The following CIB4 variants were observed in gnomAD, a reference collection of about 807,000 sequenced individuals.
CIB4 encodes calcium and integrin-binding family member 4.
In CIB4, 25 loss-of-function variants were observed where a neutral mutation model predicts 25.8. The ratio of observed to expected loss-of-function variants is 0.97; its 90% CI spans 0.71 to 1.35. The LOEUF (loss-of-function observed/expected upper bound fraction) is 1.35. Ranked by LOEUF, CIB4 falls within the 40% of genes most tolerant of loss-of-function variation. The pLI, the probability that CIB4 is intolerant of heterozygous loss-of-function variation, is 0.00. For synonymous variants in CIB4, 75 were observed against 81.4 expected (o/e 0.92, Z 0.42); for missense variants, 235 against 228.2 (o/e 1.03, Z -0.19).
intron 2 of CIB4, among the ~76,000 whole-genome samples, chr2:26,633,364 G>A (rs189597774): frequency 1.8e-4 from 28 of 152,328 alleles, no homozygotes; most frequent in African/African-American, 6.3e-4. Context: ...CTGAGGCTCC[G>A]AGAGTTTAAG....
chr2:26,600,656 G>A (rs968397615), intron 3 of CIB4, among the ~76,000 whole-genome samples: 13 of 152,150 alleles, frequency 8.5e-5, no homozygotes, highest in Admixed American at 6.5e-4. Context: ...GGTGAGCAGA[G>A]CCCATGTCCT....
At chr2:26,619,683 C>T (rs1669165129) in intron 3 of CIB4, among the ~76,000 whole-genome samples, 1 of 152,170 alleles carries the variant, frequency 6.6e-6, no homozygotes, top group South Asian at 2.1e-4. Context: ...TGGGAAGTAA[C>T]CCAGCAGATT....
At chr2:26,591,737 C>T (rs1382554698) in intron 4 of CIB4, among the ~76,000 whole-genome samples, 2 of 152,204 alleles carry the variant, frequency 1.3e-5, no homozygotes. Context: ...CTCCATCTTG[C>T]CAGTGGGGTG....
chr2:26,618,483 C>T (rs1434321427), intron 3 of CIB4, among the ~76,000 whole-genome samples: 3 of 152,180 alleles, frequency 2.0e-5, no homozygotes, highest in Non-Finnish European at 4.4e-5. Context: ...AAGGATCTCA[C>T]TATGCAACAT....
intron 5 of CIB4, among the ~76,000 whole-genome samples, 161 bp downstream of exon 5, chr2:26,583,628 C>A (rs1668393259): frequency 6.6e-6 from 1 of 152,186 alleles, no homozygotes; most frequent in Non-Finnish European, 1.5e-5. Flanking sequence ...GTCCCCTTGG[C>A]AGCCCCCAGG....
intron 4 of CIB4, among the ~76,000 whole-genome samples, chr2:26,592,517 G>A (rs894489277): frequency 1.3e-5 from 2 of 152,082 alleles, no homozygotes; most frequent in Non-Finnish European, 2.9e-5. Flanking sequence ...GACATTTGGG[G>A]CCATTATGTC....
At chr2:26,618,820 A>G (rs533330537) in intron 3 of CIB4, among the ~76,000 whole-genome samples, 28 of 152,168 alleles carry the variant, frequency 1.8e-4, no homozygotes, top group Non-Finnish European at 4.0e-4. Context: ...CCAGGAAGCC[A>G]CTCAGCTCCT....
At chr2:26,638,478 C>T (rs925837249) in intron 2 of CIB4, among the ~76,000 whole-genome samples, 5 of 152,192 alleles carry the variant, frequency 3.3e-5, no homozygotes, top group Non-Finnish European at 7.3e-5. Context: ...ACTCCTCTCA[C>T]TCCTCTCGTC....
chr2:26,615,810 C>A (rs1389436573), intron 3 of CIB4, among the ~76,000 whole-genome samples: 1 of 152,270 alleles, frequency 6.6e-6, no homozygotes, highest in East Asian at 1.9e-4. Flanking sequence ...TGAGCTTTTT[C>A]TGAAACAAAC....
intron 3 of CIB4, among the ~76,000 whole-genome samples, chr2:26,601,154 A>T (rs1164537610): frequency 6.7e-6 from 1 of 149,560 alleles, no homozygotes. Flanking sequence ...TAGGAGGCTG[A>T]GGCTGCAGCA....
intron 3 of CIB4, among the ~76,000 whole-genome samples, chr2:26,613,933 G>A (rs976438325): frequency 1.4e-4 from 22 of 152,328 alleles, no homozygotes; most frequent in East Asian, 1.2e-3. Context: ...CGCTGACACC[G>A]GCAGGCAGGT....
chr2:26,637,446 T>A (rs1384179621), intron 2 of CIB4, among the ~76,000 whole-genome samples: 2 of 152,120 alleles, frequency 1.3e-5, no homozygotes, highest in Non-Finnish European at 2.9e-5. Context: ...CTTTTTGTTT[T>A]TTTTAATTCC....
At chr2:26,593,793 C>G (rs1668631860) in intron 4 of CIB4, among the ~76,000 whole-genome samples, 1 of 152,230 alleles carries the variant, frequency 6.6e-6, no homozygotes, top group East Asian at 1.9e-4. Context: ...GGTGGCAGCT[C>G]AAATCTCAGT....
At chr2:26,620,890 C>T (rs530310671) in intron 3 of CIB4, among the ~76,000 whole-genome samples, 15 of 152,104 alleles carry the variant, frequency 9.9e-5, no homozygotes, top group Admixed American at 5.9e-4. Flanking sequence ...GGAAACTAAA[C>T]GCATGATGGC....
At chr2:26,637,272 C>G (rs138423752) in intron 2 of CIB4, among the ~76,000 whole-genome samples, 67 of 152,198 alleles carry the variant, frequency 4.4e-4, no homozygotes, top group South Asian at 6.2e-4. Flanking sequence ...TCTGCGTTCT[C>G]GATTCCATCA....
chr2:26,615,251 T>C (rs1485978132), intron 3 of CIB4, among the ~76,000 whole-genome samples: 1 of 152,164 alleles, frequency 6.6e-6, no homozygotes, highest in Non-Finnish European at 1.5e-5. Flanking sequence ...GAAAGCAGAA[T>C]GCCTCTCCAT....
chr2:26,623,188 C>T (rs1271473785), intron 3 of CIB4, among the ~76,000 whole-genome samples: 1 of 151,156 alleles, frequency 6.6e-6, no homozygotes, highest in Non-Finnish European at 1.5e-5. Flanking sequence ...ATGAAAAACA[C>T]AAAAATTAGC....
intron 3 of CIB4, chr2:26,623,528 C>A (rs895104331): frequency 2.1e-6 from 1 of 471,510 alleles, no homozygotes; most frequent in African/African-American, 2.0e-5. Context: ...CTAAGCAGGA[C>A]TCAGAAAGGC....
intron 4 of CIB4, among the ~76,000 whole-genome samples, chr2:26,594,637 T>C (rs1668644648): frequency 6.6e-6 from 1 of 152,188 alleles, no homozygotes; most frequent in Admixed American, 6.5e-5. Flanking sequence ...GCATCCCAGC[T>C]GTGCTAAGCA....
Sources: allele counts gnomAD v4.1 joint callset (sites outside exome capture counted in the v4.1 genomes callset), GRCh38; gene constraint gnomAD v4.1.1; transcripts MANE v1.5; gene names NCBI Gene and HGNC (gene_info 2026-07-23, HGNC 2026-07-21).